Variants in MPPED1 observed in about 807,000 individuals in gnomAD.
The protein encoded by MPPED1 is metallophosphoesterase domain-containing protein 1.
MPPED1 carries 16 observed loss-of-function variants against 36.2 expected under a neutral mutation model. The observed-to-expected ratio is 0.44, with a 90% confidence interval of 0.30 to 0.67. MPPED1 has a LOEUF of 0.67. MPPED1 is among the 30% of genes least tolerant of loss of function. The probability of loss-of-function intolerance (pLI) is 0.10; values close to 1 mark genes in which losing one functional copy is unlikely to be tolerated. For synonymous variants in MPPED1, 199 were observed against 191.3 expected, an observed-to-expected ratio of 1.04 and a Z score of -0.33; for missense variants, 307 against 453.4, an observed-to-expected ratio of 0.68 and a Z score of 2.93.
intron 3 of MPPED1, among the ~76,000 whole-genome samples, chr22:43,448,092 T>C (rs1249325889): frequency 6.6e-6 from 1 of 151,944 alleles, no homozygotes; most frequent in Admixed American, 6.6e-5. Context: ...TTTCACCATG[T>C]TGGTGAGGCT....
At chr22:43,478,176 C>T (rs1236640097) in intron 4 of MPPED1, among the ~76,000 whole-genome samples, 1 of 152,206 alleles carries the variant, frequency 6.6e-6, no homozygotes, top group Non-Finnish European at 1.5e-5. Context: ...TGCTCCAGGG[C>T]GGAGGCCATT....
intron 3 of MPPED1, among the ~76,000 whole-genome samples, chr22:43,456,723 T>TG (rs1930768485): frequency 6.6e-6 from 1 of 152,226 alleles, no homozygotes; most frequent in African/African-American, 2.4e-5. Flanking sequence ...CTTGAACTCC[T>TG]GGCCTCAAAT....
Position 43,412,065 on chromosome 22 carries a change from C to G in MPPED1, c.-172C>G. The G allele has an allele frequency of 2.0e-6, 2 of 979,178 alleles. No individual in the cohort carries two copies. The highest frequency in any genetic ancestry group is 1.2e-6 in the Non-Finnish European group (1 of 827,380). 60.7% of individuals were successfully genotyped at this position (979,178 alleles called of 1,614,324 possible). ...GCGGCCGCCGCCGGAGGAGCCCCCGCCCCTGCGCGCCTCCCTCCCGGGAGC... is the reference window on the plus strand; with the variant it reads ...GCGGCCGCCGCCGGAGGAGCCCCCGGCCCTGCGCGCCTCCCTCCCGGGAGC... On this transcript the variant is annotated 5_prime_UTR_variant, in exon 1 of 7. Transcript: ENST00000443721.
chr22:43,424,812 C>T (rs1929401104), intron 1 of MPPED1, 96 bp from the exon 2 acceptor site: 1 of 1,412,802 alleles, frequency 7.1e-7, no homozygotes, highest in South Asian at 1.5e-5. Flanking sequence ...TTTCCTCTCC[C>T]CCCGCCCTCT....
Position 43,425,207 on chromosome 22 carries a change from G to A in MPPED1, c.222G>A (p.Gln74=). Residue 74 remains glutamine (Q), a splice_region_variant and synonymous_variant, in exon 2 of 7, where the codon CAG becomes CAA. Coordinates refer to ENST00000443721, the MANE Select transcript of MPPED1 (RefSeq NM_001044370.2). ...NQGRFQPPHV[Q]MVDPVPHDAP... is the part of the protein sequence containing the mutation. ...GCCGCTTCCAGCCACCGCATGTGCA[G>A]ATGTAAGTGGGACCGGTGGGGTGGG... 4 of 1,278,434 alleles carry A rather than the reference G, an allele frequency of 3.1e-6. No homozygotes were observed. The highest frequency in any genetic ancestry group is 4.3e-6 in the Non-Finnish European group (4 of 940,784). The allele number at this position is 1,278,434 out of a possible 1,614,324, so 79.2% of individuals were successfully genotyped here.
chr22:43,484,740 C>T (rs1286109250), intron 4 of MPPED1, among the ~76,000 whole-genome samples: 1 of 152,132 alleles, frequency 6.6e-6, no homozygotes, highest in Admixed American at 6.5e-5. Flanking sequence ...GCTGTAGAGC[C>T]TGTCATCTAG....
intron 4 of MPPED1, among the ~76,000 whole-genome samples, chr22:43,496,134 AGGTGGT>A (rs1283130181): frequency 5.1e-5 from 2 of 39,174 alleles, no homozygotes; most frequent in African/African-American, 1.8e-4. Flanking sequence ...GTGGTGGTGG[AGGTGGT>A]GATGGTGGAG....
chr22:43,417,337 T>A (rs556907751), intron 1 of MPPED1, among the ~76,000 whole-genome samples: 2 of 152,284 alleles, frequency 1.3e-5, no homozygotes, highest in South Asian at 4.1e-4. Flanking sequence ...CCACACTTGA[T>A]TGGGAAGGAG....
chr22:43,479,591 T>A (rs1012493810), intron 4 of MPPED1, among the ~76,000 whole-genome samples: 3 of 152,220 alleles, frequency 2.0e-5, no homozygotes, highest in Non-Finnish European at 4.4e-5. Context: ...GCAGGGGGTC[T>A]GCTGTGGGTG....
chr22:43,487,471 G>T (rs896122037), intron 4 of MPPED1, among the ~76,000 whole-genome samples: 2 of 152,154 alleles, frequency 1.3e-5, no homozygotes, highest in Non-Finnish European at 2.9e-5. Flanking sequence ...CGTGTGCCAC[G>T]CCGAGGGCTG....
At chr22:43,417,910 G>A (rs1392322332) in intron 1 of MPPED1, 1 of 388,614 alleles carries the variant, frequency 2.6e-6, no homozygotes, top group Non-Finnish European at 5.1e-6. Flanking sequence ...CCTGGTGAAA[G>A]CTTTCCAAGG....
intron 3 of MPPED1, among the ~76,000 whole-genome samples, chr22:43,472,465 G>A (rs951286154): frequency 3.3e-5 from 5 of 152,178 alleles, no homozygotes; most frequent in South Asian, 2.1e-4. Context: ...AAGCTAAGTC[G>A]TACAGCGGGT....
At chr22:43,500,023 T>A (rs1184273533) in intron 5 of MPPED1, among the ~76,000 whole-genome samples, 2 of 86,502 alleles carry the variant, frequency 2.3e-5, no homozygotes, top group Non-Finnish European at 4.4e-5. Context: ...GTGGAGGTGG[T>A]GGTGGTGGTG....
intron 1 of MPPED1, among the ~76,000 whole-genome samples, chr22:43,420,135 G>T (rs1342899556): frequency 2.6e-5 from 4 of 152,164 alleles, no homozygotes; most frequent in African/African-American, 9.7e-5. Context: ...CACTGAAGAA[G>T]TGGAAACAGA....
intron 3 of MPPED1, among the ~76,000 whole-genome samples, chr22:43,448,698 G>A (rs1930451696): frequency 6.6e-6 from 1 of 152,036 alleles, no homozygotes; most frequent in African/African-American, 2.4e-5. Flanking sequence ...TGCCTCCAGG[G>A]TTCAAGTGAT....
At chr22:43,476,519 C>G (rs1931582920) in intron 4 of MPPED1, among the ~76,000 whole-genome samples, 1 of 152,178 alleles carries the variant, frequency 6.6e-6, no homozygotes, top group South Asian at 2.1e-4. Context: ...ACTGCCAGCA[C>G]AGAGCATCTG....
chr22:43,477,511 G>A (rs1931613812), intron 4 of MPPED1, among the ~76,000 whole-genome samples: 2 of 152,240 alleles, frequency 1.3e-5, no homozygotes, highest in Non-Finnish European at 2.9e-5. Flanking sequence ...TGCCCCAGCA[G>A]AGAGTGTCTG....
intron 2 of MPPED1, among the ~76,000 whole-genome samples, chr22:43,430,505 C>T (rs139312969): frequency 2.6e-5 from 4 of 152,248 alleles, no homozygotes; most frequent in Admixed American, 6.5e-5. Context: ...TGGGGTCTGG[C>T]GTCGGAGGCC....
chr22:43,452,957 T>C (rs1490040922), intron 3 of MPPED1, among the ~76,000 whole-genome samples: 1 of 73,728 alleles, frequency 1.4e-5, no homozygotes, highest in Non-Finnish European at 3.5e-5. Flanking sequence ...ACTTTTAGTC[T>C]TACTTTTTTT....
Sources: gnomAD v4.1 joint callset for allele counts (sites outside exome capture counted in the v4.1 genomes callset) on GRCh38, gnomAD v4.1.1 for gene constraint, MANE v1.5 for transcripts, NCBI Gene and HGNC (gene_info 2026-07-23, HGNC 2026-07-21) for gene names.